The following PRKRA variants were observed in gnomAD, a reference collection of about 807,000 sequenced individuals.
PRKRA encodes the protein interferon-inducible double-stranded RNA-dependent protein kinase activator A.
A neutral mutation model predicts 32.4 loss-of-function variants in PRKRA; 22 were observed. The ratio of observed to expected loss-of-function variants is 0.68; its 90% confidence interval spans 0.49 to 0.97. PRKRA has a LOEUF of 0.97. PRKRA is among the 50% of genes least tolerant of loss of function. The probability of loss-of-function intolerance (pLI) is 0.00; values close to 1 mark genes in which losing one functional copy is unlikely to be tolerated. For synonymous variants in PRKRA, 139 were observed against 129.8 expected, an observed-to-expected ratio of 1.07 and a Z score of -0.48; for missense variants, 319 against 375.6, an observed-to-expected ratio of 0.85 and a Z score of 1.25.
chr2:178,443,444 G>C, intron 4 of PRKRA, 60 bp from the exon 5 acceptor site: 1 of 803,842 alleles, frequency 1.2e-6, no homozygotes, highest in Non-Finnish European at 1.8e-6. Context: ...TCACATAAGT[G>C]TTTTCTTAAT....
At chr2:178,448,414 G>T (rs1697400732) in intron 2 of PRKRA, among the ~76,000 whole-genome samples, 1 of 152,190 alleles carries the variant, frequency 6.6e-6, no homozygotes, top group African/African-American at 2.4e-5. Context: ...ATAGCATACA[G>T]GGTCCCTGCC....
In PRKRA at chr2:178,438,160, G is replaced by A. The variant is rs145798372; in HGVS notation, c.610-1841C>T. Among the ~76,000 whole-genome samples, 3 of 152,110 alleles carry A rather than the reference G, an allele frequency of 2.0e-5. No individual in the cohort carries two copies. The East Asian group carries it at 5.8e-4, about 29-fold the overall frequency. ...TCAAATGTATTAATCTTTTAACCTAGGTTTTAAGTTAAAATGCTTTCCCCA... is the reference window on the plus strand; with the variant it reads ...TCAAATGTATTAATCTTTTAACCTAAGTTTTAAGTTAAAATGCTTTCCCCA... On this transcript the variant is annotated intron_variant, in intron 6 of 7. Coordinates refer to ENST00000325748, the MANE Select transcript of PRKRA (RefSeq NM_003690.5).
chr2:178,450,939 T>C, intron 1 of PRKRA, 27 bp downstream of exon 1: 2 of 800,820 alleles, frequency 2.5e-6, no homozygotes, highest in Non-Finnish European at 3.4e-6. Flanking sequence ...CTCCCGGCCC[T>C]GGGGCCCTGA....
chr2:178,447,918 C>T (rs1697384720), intron 2 of PRKRA, among the ~76,000 whole-genome samples: 1 of 152,172 alleles, frequency 6.6e-6, no homozygotes, highest in African/African-American at 2.4e-5. Flanking sequence ...CCGTGTCACA[C>T]CTCTGAAGAA....
intron 5 of PRKRA, 116 bp downstream of exon 5, chr2:178,443,151 G>T: frequency 1.5e-6 from 1 of 651,864 alleles, no homozygotes; most frequent in Non-Finnish European, 2.7e-6. Context: ...GACAATAAAA[G>T]AGGAGTGTAT....
intron 4 of PRKRA, 130 bp from the exon 5 acceptor site, chr2:178,443,514 AG>A: frequency 1.4e-6 from 1 of 693,078 alleles, no homozygotes; most frequent in Non-Finnish European, 2.5e-6. Flanking sequence ...AACAGAAAAA[AG>A]AGGGAAGACC....
chr2:178,438,369 G>A (rs1274139101), intron 6 of PRKRA, among the ~76,000 whole-genome samples: 1 of 152,150 alleles, frequency 6.6e-6, no homozygotes, highest in African/African-American at 2.4e-5. Flanking sequence ...AAATGTGGAT[G>A]TAAACTGTTT....
At chr2:178,445,717 G>A (rs1697293482) in intron 3 of PRKRA, 2 of 154,280 alleles carry the variant, frequency 1.3e-5, no homozygotes, top group East Asian at 1.9e-4. Flanking sequence ...TACCTGCCAT[G>A]TCATTTGGCA....
chr2:178,446,523 C>T (rs1220960719), intron 3 of PRKRA, among the ~76,000 whole-genome samples: 1 of 152,180 alleles, frequency 6.6e-6, no homozygotes, highest in Middle Eastern at 3.2e-3. Flanking sequence ...CTTTCTATGA[C>T]TAGGGAACAA....
intron 6 of PRKRA, among the ~76,000 whole-genome samples, chr2:178,436,712 GT>G (rs1248405885): frequency 6.6e-6 from 1 of 150,774 alleles, no homozygotes; most frequent in Non-Finnish European, 1.5e-5. Context: ...CATATCTTTG[GT>G]TTTTTTTGTA....
At chr2:178,432,345 T>A in intron 7 of PRKRA, 91 bp from the exon 8 acceptor site, 2 of 1,547,602 alleles carry the variant, frequency 1.3e-6, no homozygotes, top group Non-Finnish European at 1.8e-6. Flanking sequence ...ATTATTGTCT[T>A]TCTTTTTAAG....
intron 7 of PRKRA, among the ~76,000 whole-genome samples, chr2:178,433,223 T>C (rs1309505980): frequency 3.3e-5 from 5 of 152,228 alleles, no homozygotes; most frequent in Admixed American, 3.3e-4. Flanking sequence ...AATATTTCAT[T>C]GGAAGGACAG....
At chr2:178,437,854 T>C (rs911375920) in intron 6 of PRKRA, among the ~76,000 whole-genome samples, 3 of 152,210 alleles carry the variant, frequency 2.0e-5, no homozygotes, top group Admixed American at 2.0e-4. Context: ...TCTTTTTAAC[T>C]GATGCATAAG....
Position 178,446,560 on chromosome 2 carries a change from TCTA to T in PRKRA, c.317+942_317+944del, listed in dbSNP as rs372437555. Reference sequence around the variant, plus strand: ...AAACCCATCCCAAATTCCCTGGGTCTCTACTGTCAACTATAAGCTGATTACACA... The same window carrying T: ...AAACCCATCCCAAATTCCCTGGGTCTCTGTCAACTATAAGCTGATTACACA... On this transcript the variant is annotated intron_variant, in intron 3 of 7. Transcript: ENST00000325748. Among the ~76,000 whole-genome samples the T allele has an allele frequency of 2.4e-3, 365 of 152,316 alleles. 1 individual carries two copies. The highest frequency in any genetic ancestry group is 4.2e-3 in the East Asian group (22 of 5,186).
rs1697607575 is a variant in PRKRA at position 178,451,007 on chromosome 2, G to A, written c.24C>T (p.Ala8=). 1.3e-6 allele frequency: 2 copies of A among 1,539,392 alleles called. No individual in the cohort carries two copies. Among genetic ancestry groups the A allele is most frequent in the African/African-American group, 2.8e-5 (2 of 70,340 alleles). The change falls in exon 1 of 8, where the codon GCC becomes GCT. Residue 8 remains alanine, a synonymous_variant. Coordinates refer to ENST00000325748, the MANE Select transcript of PRKRA (RefSeq NM_003690.5). ...CCTCGCGCTCCAGCGGCGGGGCCTC[G>A]GCGCGGTGCCTGCTCTGGGACATGG... MSQSRHR[A]EAPPLEREDS...
chr2:178,443,303 T>C lies in PRKRA; in HGVS notation c.478A>G (p.Thr160Ala). The C allele has an allele frequency of 6.2e-7, 1 of 1,612,270 alleles. No homozygotes were observed. Among genetic ancestry groups the C allele is most frequent in the Non-Finnish European group, 8.5e-7 (1 of 1,178,410 alleles). ...AATGACTCTAGCCTGCAAATTGTAG[T>C]ATATTCTCTCTTATGAGCAGGTCCT... ...EGGPAHKREYTTICRLESFME... is the reference protein window; with the variant it reads ...EGGPAHKREYATICRLESFME... The change falls in exon 5 of 8, where the codon ACT becomes GCT. Residue 160 changes from threonine to alanine, a missense_variant. Coordinates refer to ENST00000325748, the MANE Select transcript of PRKRA (RefSeq NM_003690.5).
rs113309240 is a variant in PRKRA at position 178,442,838 on chromosome 2, T to C, written c.514+429A>G. On this transcript the variant is annotated intron_variant, in intron 5 of 7. Coordinates refer to ENST00000325748, the MANE Select transcript of PRKRA (RefSeq NM_003690.5). ...CTATAATTAAGAAAGATAATTTTCA[T>C]TTTTATCTCACTGCAATTATTTGCC... 7.0e-3 allele frequency among the ~76,000 whole-genome samples: 1,067 copies of C among 152,332 alleles called. 14 individuals are homozygous for C. Among genetic ancestry groups the C allele is most frequent in the African/African-American group, 0.024 (1,015 of 41,574 alleles).
rs764342547 is a variant in PRKRA, at chr2:178,447,544, T to C, written c.278A>G (p.Glu93Gly). 11 of 1,614,148 alleles carry C rather than the reference T, an allele frequency of 6.8e-6. No individual in the cohort carries two copies. The Admixed American group carries it at 1.5e-4, about 22-fold the overall frequency. Reference sequence around the variant, plus strand: ...GGCTTTCAAAATGTTTATGGCAGCCTCTGCAGCTCTATGTTTCGCCAGCTT... The same window carrying C: ...GGCTTTCAAAATGTTTATGGCAGCCCCTGCAGCTCTATGTTTCGCCAGCTT... Reference protein sequence around the residue: ...SKKLAKHRAAEAAINILKANA... With the variant: ...SKKLAKHRAAGAAINILKANA... The change falls in exon 3 of 8, where the codon GAG (glutamate) becomes GGG (glycine). Residue 93 changes from glutamate (E) to glycine (G), a missense_variant. Physicochemically the swap from Glu to Gly is moderately conservative, Grantham distance 98 (BLOSUM62 -2). Transcript: ENST00000325748.
At position 178,451,036 on chromosome 2, in the gene PRKRA, G is replaced by A; in HGVS notation, c.-6C>T. ...CGGTGCCTGCTCTGGGACATGGCGA[G>A]AAGGGACGGCTCAGCGGCTGGAGGA... On this transcript the variant is annotated 5_prime_UTR_variant, in exon 1 of 8. Coordinates refer to ENST00000325748, the MANE Select transcript of PRKRA (RefSeq NM_003690.5). The A allele has an allele frequency of 6.4e-7, 1 of 1,556,274 alleles. No homozygotes were observed. Among genetic ancestry groups the A allele is most frequent in the Non-Finnish European group, 8.6e-7 (1 of 1,156,378 alleles).
Sources: allele counts gnomAD v4.1 joint callset (sites outside exome capture counted in the v4.1 genomes callset), GRCh38; gene constraint gnomAD v4.1.1; transcripts MANE v1.5; gene names NCBI Gene and HGNC (gene_info 2026-07-23, HGNC 2026-07-21).